ZNF585B: variants seen among roughly 807,000 people sequenced by gnomAD.
The protein encoded by ZNF585B is zinc finger protein 585B.
In ZNF585B, 7 loss-of-function variants were observed where a neutral mutation model predicts 14.0. The observed-to-expected ratio is 0.50, with a 90% CI of 0.28 to 0.94. ZNF585B has a LOEUF of 0.94. Ranked by LOEUF, ZNF585B falls within the 40% of genes least tolerant of loss-of-function variation. The pLI, the probability that ZNF585B is intolerant of heterozygous loss-of-function variation, is 0.09. For missense variants in ZNF585B, 750 were observed against 924.4 expected (o/e 0.81, Z 2.45); for synonymous variants, 290 against 317.3 (o/e 0.91, Z 0.91).
Position 37,186,841 on chromosome 19 carries a change from A to T in ZNF585B, c.696T>A (p.His232Gln). Residue 232 changes from histidine to glutamine, a missense_variant, in exon 5 of 5, where the codon CAT becomes CAA. By Grantham distance (24) the His-to-Gln change is conservative (BLOSUM62 0). Around this residue, in one of 2 missense-constraint regions of ZNF585B, gnomAD observed 517 missense variants for 570.3 expected, o/e 0.91. Coordinates refer to ENST00000532828, the MANE Select transcript of ZNF585B (RefSeq NM_152279.4). ...GFPYNSDLSIHEKIHTGERHH... is the reference protein window; with the variant it reads ...GFPYNSDLSIQEKIHTGERHH... ...GTCTCTCTCCAGTATGAATTTTCTC[A>T]TGTATACTGAGATCTGAGTTATAAG... 6.2e-7 allele frequency: 1 copy of T among 1,613,482 alleles called. No individual in the cohort carries two copies. Among genetic ancestry groups the T allele is most frequent in the East Asian group, 2.2e-5 (1 of 44,862 alleles).
intron 4 of ZNF585B, among the ~76,000 whole-genome samples, chr19:37,187,643 G>A (rs943793334): frequency 6.6e-5 from 10 of 151,296 alleles, no homozygotes; most frequent in Non-Finnish European, 1.5e-4. Context: ...TTTTTCCAGA[G>A]ATTCCCTGTA....
intron 2 of ZNF585B, among the ~76,000 whole-genome samples, chr19:37,201,895 T>C (rs937688800): frequency 6.6e-6 from 1 of 152,220 alleles, no homozygotes; most frequent in African/African-American, 2.4e-5. Context: ...ACAGTATTTT[T>C]TTGAGGTATT....
rs557491604 is a variant in ZNF585B at position 37,182,226 on chromosome 19, T to C, written c.*3001A>G. ...CACTAAAATATCACGTTACAATAAA[T>C]ATAAAGGAGAAATTATTGAAAGTCA... On this transcript the variant is annotated 3_prime_UTR_variant, in exon 5 of 5. Transcript: ENST00000532828. The C allele has an allele frequency of 6.6e-6, 1 of 152,256 alleles. No individual in the cohort carries two copies. Among genetic ancestry groups the C allele is most frequent in the South Asian group, 2.1e-4 (1 of 4,814 alleles). The allele number at this position is 152,256 out of a possible 1,614,324, so 9.4% of individuals were successfully genotyped here. A position where few individuals can be genotyped will look rare whatever the true frequency, so the allele number is the denominator to read the frequency against.
chr19:37,209,860 C>T (rs1224705089), intron 1 of ZNF585B, among the ~76,000 whole-genome samples: 1 of 151,420 alleles, frequency 6.6e-6, no homozygotes, highest in African/African-American at 2.4e-5. Context: ...GGACTACAGG[C>T]GCCCGCCACC....
intron 2 of ZNF585B, among the ~76,000 whole-genome samples, chr19:37,200,587 G>A: frequency 7.0e-6 from 1 of 142,600 alleles, no homozygotes. Context: ...AGGTGGCAAA[G>A]ACAAGTGAGC....
chr19:37,205,617 G>T (rs1356310934), intron 2 of ZNF585B, among the ~76,000 whole-genome samples: 1 of 152,200 alleles, frequency 6.6e-6, no homozygotes, highest in Non-Finnish European at 1.5e-5. Context: ...CAGGTAGATG[G>T]AAGGCAGAGG....
chr19:37,183,790 CAT>C lies in ZNF585B; in HGVS notation c.*1435_*1436del, dbSNP rs1972288009. The C allele has an allele frequency of 2.0e-5, 3 of 152,196 alleles. No homozygotes were observed. Among genetic ancestry groups the C allele is most frequent in the African/African-American group, 4.8e-5 (2 of 41,506 alleles). 9.4% of individuals were successfully genotyped at this position (152,196 alleles called of 1,614,324 possible). A position where few individuals can be genotyped will look rare whatever the true frequency, so the allele number is the denominator to read the frequency against. ...GTGAACATATGGTGGGGTTGGTTTTCATATGAGTTATCAATTTCATATGATTT... is the reference window on the plus strand; with the variant it reads ...GTGAACATATGGTGGGGTTGGTTTTCATGAGTTATCAATTTCATATGATTT... On this transcript the variant is annotated 3_prime_UTR_variant, in exon 5 of 5. Coordinates refer to ENST00000532828, the MANE Select transcript of ZNF585B (RefSeq NM_152279.4).
chr19:37,200,974 C>G (rs570930980), intron 2 of ZNF585B, among the ~76,000 whole-genome samples: 2 of 151,850 alleles, frequency 1.3e-5, no homozygotes, highest in Non-Finnish European at 2.9e-5. Context: ...ACCTGTAATC[C>G]CAGCTACTCC....
intron 2 of ZNF585B, among the ~76,000 whole-genome samples, chr19:37,196,740 T>A (rs1972468813): frequency 6.6e-6 from 1 of 152,208 alleles, no homozygotes; most frequent in South Asian, 2.1e-4. Flanking sequence ...TTGATTTTCT[T>A]AAAAGCATTT....
At position 37,182,187 on chromosome 19, in the gene ZNF585B, C is replaced by CAT. The variant is rs1159093638; in HGVS notation, c.*3038_*3039dup. 3 of 152,008 alleles carry CAT rather than the reference C, an allele frequency of 2.0e-5. No homozygotes were observed. The highest frequency in any genetic ancestry group is 7.3e-5 in the African/African-American group (3 of 41,372). 9.4% of individuals were successfully genotyped at this position (152,008 alleles called of 1,614,324 possible). A position where few individuals can be genotyped will look rare whatever the true frequency, so the allele number is the denominator to read the frequency against. ...TTTTATATAAATGGGCATACATATACATATATATGTCAGCACTAAAATATC... is the reference window on the plus strand; with the variant it reads ...TTTTATATAAATGGGCATACATATACATATATATATGTCAGCACTAAAATATC... On this transcript the variant is annotated 3_prime_UTR_variant, in exon 5 of 5. Transcript: ENST00000532828.
chr19:37,185,889 A>G lies in ZNF585B; in HGVS notation c.1648T>C (p.Tyr550His), dbSNP rs774960837. 2 of 1,613,850 alleles carry G rather than the reference A, an allele frequency of 1.2e-6. No individual in the cohort carries two copies. Among genetic ancestry groups the G allele is most frequent in the South Asian group, 1.1e-5 (1 of 91,004 alleles). Residue 550 changes from tyrosine (Y) to histidine (H), a missense_variant, in exon 5 of 5, where the codon TAT becomes CAT. Coordinates refer to ENST00000532828, the MANE Select transcript of ZNF585B (RefSeq NM_152279.4). ...HQKIHTGERQ[Y>H]ECHECGKAFN... ...GCTTTCCCACATTCGTGGCATTCAT[A>G]CTGTCTCTCTCCAGTGTGAATTTTC... is the stretch of plus-strand genomic sequence containing the variant.
At position 37,184,911 on chromosome 19, in the gene ZNF585B, T is replaced by C. The variant is rs1327537347; in HGVS notation, c.*316A>G. ...GTAAACAGGATTATCATTCCCATAA[T>C]ATGATCTTTCTTATGAAGAATTTGG... On this transcript the variant is annotated 3_prime_UTR_variant, in exon 5 of 5. Transcript: ENST00000532828. 2 of 457,594 alleles carry C rather than the reference T, an allele frequency of 4.4e-6. No homozygotes were observed. The highest frequency in any genetic ancestry group is 3.1e-5 in the East Asian group (1 of 31,752). The allele number at this position is 457,594 out of a possible 1,614,324, so 28.3% of individuals were successfully genotyped here.
At chr19:37,210,392 A>C (rs1479739095) in intron 1 of ZNF585B, 49 bp downstream of exon 1, 4 of 152,386 alleles carry the variant, frequency 2.6e-5, no homozygotes, top group Non-Finnish European at 5.9e-5. Context: ...CTAATTCCAC[A>C]GACAACTCCT....
rs1972333883 is a variant in ZNF585B at position 37,186,386 on chromosome 19, C to T, written c.1151G>A (p.Cys384Tyr). The change falls in exon 5 of 5, where the codon TGC becomes TAC. Residue 384 changes from cysteine (C) to tyrosine (Y), a missense_variant. Around this residue, in one of 2 missense-constraint regions of ZNF585B, gnomAD observed 517 missense variants for 570.3 expected, o/e 0.91. Coordinates refer to ENST00000532828, the MANE Select transcript of ZNF585B (RefSeq NM_152279.4). ...AGTGAAGGCTCTCCCACAGTCACTG[C>T]ATTCATAAGGTTTCTCTCCAGTGTG... ...RIHTGEKPYECSDCGRAFTQK... is the reference protein window; with the variant it reads ...RIHTGEKPYEYSDCGRAFTQK... 1 of 1,614,078 alleles carries T rather than the reference C, an allele frequency of 6.2e-7. No individual in the cohort carries two copies. The highest frequency in any genetic ancestry group is 1.3e-5 in the African/African-American group (1 of 74,932).
intron 4 of ZNF585B, 93 bp downstream of exon 4, chr19:37,189,568 T>G: frequency 7.0e-7 from 1 of 1,421,940 alleles, no homozygotes; most frequent in Non-Finnish European, 9.8e-7. Context: ...GTGGTCTTAA[T>G]AGCACTTCAC....
At chr19:37,191,434 A>G (rs1017347590) in intron 2 of ZNF585B, among the ~76,000 whole-genome samples, 1 of 151,948 alleles carries the variant, frequency 6.6e-6, no homozygotes, top group Non-Finnish European at 1.5e-5. Flanking sequence ...CCTGGCCAAC[A>G]TGGTGAAATG....
Position 37,185,387 on chromosome 19 carries a change from G to C in ZNF585B, c.2150C>G (p.Pro717Arg), listed in dbSNP as rs559988220. The change falls in exon 5 of 5, where the codon CCT (proline) becomes CGT (arginine). Residue 717 changes from proline (P) to arginine (R), a missense_variant. By Grantham distance (103) the Pro-to-Arg change is moderately radical (BLOSUM62 -2). Transcript: ENST00000532828. ...CTTCCCACACTCAGCACACACGTAAGGCTTCTCTCCAGTGTGAATTCGCTG... is the reference window on the plus strand; with the variant it reads ...CTTCCCACACTCAGCACACACGTAACGCTTCTCTCCAGTGTGAATTCGCTG... ...VHQRIHTGEK[P>R]YVCAECGKAF... 2 of 1,614,076 alleles carry C rather than the reference G, an allele frequency of 1.2e-6. No individual in the cohort carries two copies. The highest frequency in any genetic ancestry group is 2.2e-5 in the South Asian group (2 of 91,084).
rs567628286 is a variant in ZNF585B at position 37,199,134 on chromosome 19, A to C, written c.72+7906T>G. ...ACACCCTACACACACCAAACTCCCCAACCCCCAAACCCTATGTTATCAAGA... is the reference window on the plus strand; with the variant it reads ...ACACCCTACACACACCAAACTCCCCCACCCCCAAACCCTATGTTATCAAGA... On this transcript the variant is annotated intron_variant, in intron 2 of 4. Transcript: ENST00000532828. 152 of 650,890 alleles carry C rather than the reference A, an allele frequency of 2.3e-4. No individual in the cohort carries two copies. In the African/African-American group the frequency reaches 2.5e-3, roughly 11 times the overall value. 40.3% of individuals were successfully genotyped at this position (650,890 alleles called of 1,614,324 possible).
rs1972346571 is a variant in ZNF585B, at chr19:37,187,086, C to G, written c.451G>C (p.Val151Leu). The change falls in exon 5 of 5, where the codon GTT becomes CTT. Residue 151 changes from valine (V) to leucine (L), a missense_variant. Val to Leu is a conservative substitution (Grantham distance 32). Around this residue, in one of 2 missense-constraint regions of ZNF585B, gnomAD observed 517 missense variants for 570.3 expected, o/e 0.91. Coordinates refer to ENST00000532828, the MANE Select transcript of ZNF585B (RefSeq NM_152279.4). ...WKSQFKVHLKVPTGEKLYVCI... is the reference protein window; with the variant it reads ...WKSQFKVHLKLPTGEKLYVCI... ...ACATAGAGTTTTTCTCCTGTAGGAA[C>G]TTTCAGATGTACCTTGAACTGTGAC... The G allele has an allele frequency of 6.2e-7, 1 of 1,613,916 alleles. No individual in the cohort carries two copies. Among genetic ancestry groups the G allele is most frequent in the African/African-American group, 1.3e-5 (1 of 74,926 alleles).
Sources: gnomAD v4.1 joint callset for allele counts (sites outside exome capture counted in the v4.1 genomes callset) on GRCh38, gnomAD v4.1.1 for gene constraint, gnomAD v4.1.1 regional missense constraint, MANE v1.5 for transcripts, NCBI Gene and HGNC (gene_info 2026-07-23, HGNC 2026-07-21) for gene names.